The following PRRG1 variants were observed in gnomAD, a reference collection of about 807,000 sequenced individuals.
PRRG1 encodes the protein transmembrane gamma-carboxyglutamic acid protein 1.
In PRRG1, 5 loss-of-function variants were observed where a neutral mutation model predicts 11.8. The observed-to-expected ratio is 0.42, with a 90% confidence interval of 0.22 to 0.89. PRRG1 has a LOEUF of 0.89. Among genes scored for constraint, PRRG1 ranks in the 40% least tolerant of loss-of-function variants. PRRG1 has a pLI of 0.28. For missense variants in PRRG1, 155 were observed against 166.1 expected (o/e 0.93, Z 0.37); for synonymous variants, 66 against 60.4 (o/e 1.09, Z -0.43).
At chrX:37,377,003 A>G (rs943348316) in intron 1 of PRRG1, among the ~76,000 whole-genome samples, 2 of 111,029 alleles carry the variant, frequency 1.8e-5, no homozygotes, top group Non-Finnish European at 3.8e-5. Flanking sequence ...AGTTGAATCT[A>G]TTAATTAGGG....
intron 1 of PRRG1, among the ~76,000 whole-genome samples, chrX:37,399,817 G>T (rs1483485426): frequency 1.9e-5 from 2 of 106,197 alleles, no homozygotes; most frequent in Non-Finnish European, 3.9e-5. Context: ...ACAAAAAAAG[G>T]CAGGGGTTGC....
chrX:37,409,934 T>C (rs951000791), intron 2 of PRRG1, among the ~76,000 whole-genome samples: 5 of 105,236 alleles, frequency 4.8e-5, no homozygotes, highest in Non-Finnish European at 8.2e-5. Context: ...CATTCTTTGA[T>C]ATTAGATGAA....
At chrX:37,363,220 A>G (rs1239276191) in intron 1 of PRRG1, among the ~76,000 whole-genome samples, 1 of 112,160 alleles carries the variant, frequency 8.9e-6, no homozygotes, top group Non-Finnish European at 1.9e-5. Context: ...ATATCAAATC[A>G]GGTTTCTCTG....
At chrX:37,370,913 G>A (rs987082051) in intron 1 of PRRG1, among the ~76,000 whole-genome samples, 2 of 111,751 alleles carry the variant, frequency 1.8e-5, no homozygotes, top group Non-Finnish European at 3.8e-5. Context: ...GGGGAGCTGA[G>A]AGCAGTTTGG....
At chrX:37,401,689 C>A (rs1931986809) in intron 1 of PRRG1, among the ~76,000 whole-genome samples, 2 of 111,106 alleles carry the variant, frequency 1.8e-5, no homozygotes, top group African/African-American at 6.5e-5. Context: ...AAGAGGAAGT[C>A]AAATTGTCCC....
intron 3 of PRRG1, among the ~76,000 whole-genome samples, chrX:37,434,354 A>G (rs782056383): frequency 1.8e-5 from 2 of 112,282 alleles, no homozygotes; most frequent in Non-Finnish European, 3.8e-5. Flanking sequence ...CCTACTATGT[A>G]ACAGTCACAG....
chrX:37,350,844 A>G (rs1377128311), intron 1 of PRRG1, among the ~76,000 whole-genome samples: 1 of 109,408 alleles, frequency 9.1e-6, no homozygotes, highest in Non-Finnish European at 1.9e-5. Flanking sequence ...GCATGAGGTG[A>G]ACAGGATTTC....
intron 2 of PRRG1, among the ~76,000 whole-genome samples, chrX:37,410,910 G>A (rs1556383590): frequency 8.9e-6 from 1 of 112,276 alleles, no homozygotes; most frequent in Non-Finnish European, 1.9e-5. Context: ...GAGATGACAA[G>A]ATGAGATACT....
At chrX:37,430,407 AT>A (rs1569447699) in intron 3 of PRRG1, among the ~76,000 whole-genome samples, 1 of 111,931 alleles carries the variant, frequency 8.9e-6, no homozygotes, top group Non-Finnish European at 1.9e-5. Context: ...TTGCAATCCA[AT>A]CCCTCAGGGC....
At chrX:37,402,282 A>G (rs1184889764) in intron 1 of PRRG1, among the ~76,000 whole-genome samples, 1 of 111,731 alleles carries the variant, frequency 9.0e-6, no homozygotes, top group African/African-American at 3.3e-5. Flanking sequence ...TGGTACCAAA[A>G]CAGACATATA....
At chrX:37,397,840 G>C (rs1931769440) in intron 1 of PRRG1, among the ~76,000 whole-genome samples, 1 of 101,363 alleles carries the variant, frequency 9.9e-6, no homozygotes, top group African/African-American at 4.3e-5. Flanking sequence ...ATTTTCTAAT[G>C]TCTGGCTAAA....
chrX:37,405,082 A>G (rs1932146634), intron 1 of PRRG1, among the ~76,000 whole-genome samples: 1 of 112,133 alleles, frequency 8.9e-6, no homozygotes, highest in Non-Finnish European at 1.9e-5. Flanking sequence ...AAACCTGATT[A>G]AATTAAGTCG....
intron 1 of PRRG1, among the ~76,000 whole-genome samples, chrX:37,370,973 A>G (rs914103291): frequency 1.8e-5 from 2 of 111,327 alleles, no homozygotes; most frequent in Non-Finnish European, 3.8e-5. Context: ...TGCCATGAAC[A>G]GCGGCAGGAG....
At chrX:37,385,225 T>G (rs1178803072) in intron 1 of PRRG1, among the ~76,000 whole-genome samples, 1 of 111,754 alleles carries the variant, frequency 8.9e-6, no homozygotes, top group Non-Finnish European at 1.9e-5. Flanking sequence ...AAAAGAAGCT[T>G]GATCCAAATG....
chrX:37,387,540 A>G (rs974777110), intron 1 of PRRG1, among the ~76,000 whole-genome samples: 6 of 103,758 alleles, frequency 5.8e-5, no homozygotes, highest in African/African-American at 2.6e-4. Context: ...AACAGGAGGA[A>G]GAGAGAGAGG....
rs145826262 is a variant in PRRG1 at position 37,388,317 on chromosome X, C to T, written c.-41-17892C>T. ...CTACTAGACAATGCCCCAGTGGTGA[C>T]GTGTGTGGGGGCTCCAACCCCAAAT... On this transcript the variant is annotated intron_variant, in intron 1 of 3. Transcript: ENST00000378628. Among the ~76,000 whole-genome samples the T allele has an allele frequency of 3.3e-3, 374 of 112,709 alleles. 2 individuals are homozygous for T. The highest frequency in any genetic ancestry group is 0.011 in the African/African-American group (349 of 31,067).
intron 2 of PRRG1, among the ~76,000 whole-genome samples, chrX:37,406,706 A>T (rs181881861): frequency 2.7e-5 from 3 of 111,310 alleles, no homozygotes; most frequent in Admixed American, 9.6e-5. Flanking sequence ...TAATTTTTTT[A>T]AAAATTTTAA....
At chrX:37,441,402 C>T (rs1229074353) in intron 3 of PRRG1, 27 of 753,094 alleles carry the variant, frequency 3.6e-5, no homozygotes, top group Non-Finnish European at 4.2e-5. Flanking sequence ...ATGCATCCCT[C>T]CCCAGATAAT....
In PRRG1 at chrX:37,450,034, G is replaced by A. The variant is rs144299498; in HGVS notation, c.172-3102G>A. Reference sequence around the variant, plus strand: ...CTTTTCCAAATAAATCTGTCATTGTGTTTTTATTCAGATCATTGTTACCTT... The same window carrying A: ...CTTTTCCAAATAAATCTGTCATTGTATTTTTATTCAGATCATTGTTACCTT... On this transcript the variant is annotated intron_variant, in intron 3 of 3. Transcript: ENST00000378628. Among the ~76,000 whole-genome samples, 52 of 112,602 alleles carry A rather than the reference G, an allele frequency of 4.6e-4. No homozygotes were observed. The East Asian group carries it at 0.013, about 28-fold the overall frequency.
Sources: allele counts gnomAD v4.1 joint callset (sites outside exome capture counted in the v4.1 genomes callset), GRCh38; gene constraint gnomAD v4.1.1; transcripts MANE v1.5; gene names NCBI Gene and HGNC (gene_info 2026-07-23, HGNC 2026-07-21).